Variants in GALNTL6 observed in about 807,000 individuals in gnomAD.
GALNTL6 encodes polypeptide N-acetylgalactosaminyltransferase like 6, also known as polypeptide N-acetylgalactosaminyltransferase-like 6.
Under a neutral mutation model 73.7 loss-of-function variants are expected in GALNTL6, and 46 were observed. The observed-to-expected ratio is 0.62, with a 90% CI of 0.49 to 0.80. The LOEUF is 0.80. Ranked by LOEUF, GALNTL6 falls within the 30% of genes least tolerant of loss-of-function variation. The pLI is 0.00. For synonymous variants in GALNTL6, 259 were observed against 263.7 expected, an observed-to-expected ratio of 0.98 and a Z score of 0.17; for missense variants, 604 against 755.0, an observed-to-expected ratio of 0.80 and a Z score of 2.34.
intron 5 of GALNTL6, among the ~76,000 whole-genome samples, chr4:172,400,449 C>T (rs989750866): frequency 6.6e-6 from 1 of 152,030 alleles, no homozygotes; most frequent in African/African-American, 2.4e-5. Flanking sequence ...AAGTAAGGGA[C>T]AAGAAATACT....
chr4:172,373,201 T>A (rs1054026217), intron 5 of GALNTL6, among the ~76,000 whole-genome samples: 2 of 152,204 alleles, frequency 1.3e-5, no homozygotes, highest in Non-Finnish European at 2.9e-5. Flanking sequence ...GCACATAAGT[T>A]GGGACGTGTG....
At chr4:172,315,442 T>C (rs1332287276) in intron 4 of GALNTL6, among the ~76,000 whole-genome samples, 2 of 152,186 alleles carry the variant, frequency 1.3e-5, no homozygotes, top group Admixed American at 6.5e-5. Flanking sequence ...TTTGTATTTT[T>C]AGTAGAGACA....
At chr4:171,885,095 A>G (rs1736571815) in intron 2 of GALNTL6, among the ~76,000 whole-genome samples, 1 of 151,894 alleles carries the variant, frequency 6.6e-6, no homozygotes, top group South Asian at 2.1e-4. Flanking sequence ...TGTGTTATTT[A>G]GTGTAAAATT....
At chr4:172,513,110 C>T (rs548735104) in intron 5 of GALNTL6, among the ~76,000 whole-genome samples, 1 of 152,216 alleles carries the variant, frequency 6.6e-6, no homozygotes, top group South Asian at 2.1e-4. Flanking sequence ...GTTTGGTTAA[C>T]AAAATCCCAG....
intron 5 of GALNTL6, among the ~76,000 whole-genome samples, chr4:172,628,910 A>G (rs956322175): frequency 6.6e-6 from 1 of 152,170 alleles, no homozygotes; most frequent in Non-Finnish European, 1.5e-5. Flanking sequence ...AAAAAAAAGT[A>G]CCTACTTTGT....
intron 5 of GALNTL6, among the ~76,000 whole-genome samples, chr4:172,481,160 G>T (rs1329847415): frequency 1.3e-5 from 2 of 152,044 alleles, no homozygotes; most frequent in Non-Finnish European, 2.9e-5. Flanking sequence ...GGTCTTGCTG[G>T]CTTCAGGAGT....
chr4:171,893,272 T>C (rs955072769), intron 2 of GALNTL6, among the ~76,000 whole-genome samples: 40 of 152,194 alleles, frequency 2.6e-4, no homozygotes, highest in Admixed American at 1.3e-4. Context: ...ACTTATAACA[T>C]ACTAGCTCAT....
intron 5 of GALNTL6, among the ~76,000 whole-genome samples, chr4:172,672,547 G>A (rs947451945): frequency 2.6e-5 from 4 of 152,168 alleles, no homozygotes; most frequent in Non-Finnish European, 4.4e-5. Context: ...GTTAAGAGGC[G>A]TTCCTCCTCC....
At chr4:172,561,864 A>T (rs1347543629) in intron 5 of GALNTL6, among the ~76,000 whole-genome samples, 1 of 152,098 alleles carries the variant, frequency 6.6e-6, no homozygotes, top group East Asian at 1.9e-4. Flanking sequence ...GTGAATATAT[A>T]TTTTTTTAAT....
intron 5 of GALNTL6, among the ~76,000 whole-genome samples, chr4:172,583,181 G>A (rs1579211355): frequency 1.3e-5 from 2 of 151,520 alleles, no homozygotes; most frequent in Non-Finnish European, 2.9e-5. Flanking sequence ...CACACTTCCT[G>A]TAAAGAAAAC....
chr4:171,814,964 T>A, intron 2 of GALNTL6: 1 of 561,048 alleles, frequency 1.8e-6, no homozygotes, highest in Non-Finnish European at 3.1e-6. Flanking sequence ...GAGAAGATAA[T>A]CTTTCACCAT....
chr4:172,932,414 G>A (rs1043468606), intron 9 of GALNTL6, among the ~76,000 whole-genome samples: 1 of 152,180 alleles, frequency 6.6e-6, no homozygotes, highest in Non-Finnish European at 1.5e-5. Context: ...GTGAATCTTT[G>A]TGGGGCGGGG....
At chr4:172,717,273 G>A (rs1579386147) in intron 5 of GALNTL6, among the ~76,000 whole-genome samples, 1 of 152,176 alleles carries the variant, frequency 6.6e-6, no homozygotes, top group East Asian at 1.9e-4. Context: ...AGGGCATCAG[G>A]CTAGAAAGAG....
At chr4:172,040,253 C>A (rs1742046108) in intron 2 of GALNTL6, among the ~76,000 whole-genome samples, 1 of 152,026 alleles carries the variant, frequency 6.6e-6, no homozygotes, top group South Asian at 2.1e-4. Context: ...TAAATACTTA[C>A]AAAATAAATT....
chr4:172,483,250 A>T lies in GALNTL6; in HGVS notation c.553+134561A>T, dbSNP rs141896522. ...AAAGAGGCAGAGGTCAGGGGAGGGG[A>T]TAAGGGAAGCTTTCACAAGCAAGAT... On this transcript the variant is annotated intron_variant, in intron 5 of 12. Transcript: ENST00000506823. Among the ~76,000 whole-genome samples the T allele has an allele frequency of 1.6e-4, 25 of 152,188 alleles. 1 individual carries two copies. The highest frequency in any genetic ancestry group is 1.5e-3 in the South Asian group (7 of 4,818).
intron 5 of GALNTL6, among the ~76,000 whole-genome samples, chr4:172,406,993 T>C (rs1037270496): frequency 2.6e-5 from 4 of 152,034 alleles, no homozygotes; most frequent in Admixed American, 1.3e-4. Context: ...TCTATCATTA[T>C]CTCTTTTTTA....
intron 2 of GALNTL6, among the ~76,000 whole-genome samples, chr4:171,948,054 A>G (rs1738754509): frequency 6.6e-6 from 1 of 152,126 alleles, no homozygotes; most frequent in South Asian, 2.1e-4. Flanking sequence ...TAATAGTGAG[A>G]TGGGGGGAAT....
intron 2 of GALNTL6, among the ~76,000 whole-genome samples, chr4:172,074,468 A>G (rs1387299904): frequency 2.6e-5 from 4 of 152,134 alleles, no homozygotes; most frequent in African/African-American, 9.7e-5. Context: ...GTGCGGTTCT[A>G]TCATCCACAA....
intron 5 of GALNTL6, among the ~76,000 whole-genome samples, chr4:172,661,266 T>G (rs2111179502): frequency 6.6e-6 from 1 of 152,270 alleles, no homozygotes; most frequent in East Asian, 1.9e-4. Flanking sequence ...AAGAAGGAAT[T>G]CTGCCAGCAG....
Sources: gnomAD v4.1 joint callset for allele counts (sites outside exome capture counted in the v4.1 genomes callset) on GRCh38, gnomAD v4.1.1 for gene constraint, MANE v1.5 for transcripts, NCBI Gene and HGNC (gene_info 2026-07-23, HGNC 2026-07-21) for gene names.